NEK7: variants seen among roughly 807,000 people sequenced by gnomAD.
NEK7 encodes serine/threonine-protein kinase Nek7.
In NEK7, 18 loss-of-function variants were observed where a neutral mutation model predicts 44.6. That is an observed-to-expected ratio of 0.40 (90% CI 0.28 to 0.60). The LOEUF (loss-of-function observed/expected upper bound fraction) is 0.60. NEK7 is among the 20% of genes least tolerant of loss of function. The pLI is 0.38. For missense variants in NEK7, 256 were observed against 366.5 expected (o/e 0.70, Z 2.46); for synonymous variants, 130 against 121.1 (o/e 1.07, Z -0.48).
At chr1:198,243,911 T>G (rs1292983823) in intron 2 of NEK7, among the ~76,000 whole-genome samples, 1 of 147,112 alleles carries the variant, frequency 6.8e-6, no homozygotes, top group Non-Finnish European at 1.5e-5. Context: ...TTATTTGCCT[T>G]TTTTGGTTTC....
intron 7 of NEK7, among the ~76,000 whole-genome samples, chr1:198,280,326 G>T (rs1450329132): frequency 6.6e-6 from 1 of 152,050 alleles, no homozygotes; most frequent in African/African-American, 2.4e-5. Context: ...CTGAATAGAA[G>T]AATGTCATAA....
chr1:198,228,380 A>C (rs1169123317), intron 1 of NEK7, among the ~76,000 whole-genome samples: 1 of 152,158 alleles, frequency 6.6e-6, no homozygotes, highest in Non-Finnish European at 1.5e-5. Flanking sequence ...TGAACTTTAA[A>C]GTAGTTTTTT....
At chr1:198,263,786 T>C (rs910509023) in intron 4 of NEK7, among the ~76,000 whole-genome samples, 5 of 151,910 alleles carry the variant, frequency 3.3e-5, no homozygotes, top group African/African-American at 1.2e-4. Context: ...AGTTCTCATT[T>C]TGAGGATGTA....
rs1423760560 is a variant in NEK7, at chr1:198,278,052, G to C, written c.464G>C (p.Arg155Pro). 6.5e-7 allele frequency: 1 copy of C among 1,546,600 alleles called. No individual in the cohort carries two copies. The highest frequency in any genetic ancestry group is 8.9e-7 in the Non-Finnish European group (1 of 1,119,832). Reference sequence around the variant, plus strand: ...AGTGCATTGGAACACATGCATTCTCGAAGAGTCATGCATAGAGGTAAGATA... The same window carrying C: ...AGTGCATTGGAACACATGCATTCTCCAAGAGTCATGCATAGAGGTAAGATA... ...LCSALEHMHSRRVMHRDIKPA... is the reference protein window; with the variant it reads ...LCSALEHMHSPRVMHRDIKPA... Residue 155 changes from arginine (R) to proline (P), a missense_variant, in exon 6 of 10, where the codon CGA becomes CCA. Transcript: ENST00000367385.
intron 9 of NEK7, among the ~76,000 whole-genome samples, chr1:198,316,696 G>A (rs1655380007): frequency 6.6e-6 from 1 of 152,164 alleles, no homozygotes. Flanking sequence ...GGCCTGTGCT[G>A]TGTATTTTTC....
At chr1:198,312,309 T>G in intron 9 of NEK7, among the ~76,000 whole-genome samples, 1 of 150,878 alleles carries the variant, frequency 6.6e-6, no homozygotes, top group African/African-American at 2.4e-5. Flanking sequence ...TTTTATTGCA[T>G]CTATTTGATT....
intron 3 of NEK7, chr1:198,256,463 C>T: frequency 6.3e-7 from 1 of 1,599,260 alleles, no homozygotes; most frequent in Non-Finnish European, 8.5e-7. Flanking sequence ...ACCTGTATCC[C>T]ATCATGGTTC....
intron 7 of NEK7, among the ~76,000 whole-genome samples, chr1:198,287,033 G>A (rs1348243568): frequency 6.6e-6 from 1 of 152,106 alleles, no homozygotes; most frequent in Non-Finnish European, 1.5e-5. Context: ...ACATAAACAG[G>A]TATAGCACCA....
chr1:198,242,896 C>G (rs182438681), intron 2 of NEK7, among the ~76,000 whole-genome samples: 2 of 147,814 alleles, frequency 1.4e-5, no homozygotes. Flanking sequence ...TCTTGAACTT[C>G]CGAGCTCAAG....
intron 2 of NEK7, 31 bp from the exon 3 acceptor site, chr1:198,253,009 T>C (rs183247661): frequency 6.3e-6 from 10 of 1,588,240 alleles, no homozygotes; most frequent in African/African-American, 1.4e-5. Context: ...TATTGTGTGA[T>C]TGAAAATTTT....
At chr1:198,201,769 C>A (rs1665436005) in intron 1 of NEK7, among the ~76,000 whole-genome samples, 1 of 152,124 alleles carries the variant, frequency 6.6e-6, no homozygotes, top group Non-Finnish European at 1.5e-5. Flanking sequence ...CCAGGTGACA[C>A]CAAGACACAC....
chr1:198,314,750 TC>T (rs1655300350), intron 9 of NEK7, among the ~76,000 whole-genome samples: 1 of 152,120 alleles, frequency 6.6e-6, no homozygotes, highest in Non-Finnish European at 1.5e-5. Flanking sequence ...TGCTCAGGGG[TC>T]AGGGGTCAGA....
chr1:198,178,477 A>G (rs1032454178), intron 1 of NEK7, among the ~76,000 whole-genome samples: 4 of 152,108 alleles, frequency 2.6e-5, no homozygotes, highest in African/African-American at 9.7e-5. Context: ...ACAGATTACC[A>G]GACTTTTCCA....
chr1:198,254,820 G>A (rs1422681128), intron 3 of NEK7, among the ~76,000 whole-genome samples: 1 of 152,074 alleles, frequency 6.6e-6, no homozygotes, highest in Non-Finnish European at 1.5e-5. Flanking sequence ...GTTTTAATAT[G>A]CCACTCAGAG....
intron 1 of NEK7, among the ~76,000 whole-genome samples, chr1:198,230,193 ACTGT>A (rs1666345145): frequency 6.6e-6 from 1 of 152,120 alleles, no homozygotes; most frequent in African/African-American, 2.4e-5. Context: ...ATCTTGTGAA[ACTGT>A]CTGTGGGACA....
intron 7 of NEK7, among the ~76,000 whole-genome samples, chr1:198,291,764 A>G (rs911990881): frequency 1.3e-5 from 2 of 152,178 alleles, no homozygotes; most frequent in East Asian, 1.9e-4. Flanking sequence ...GTCATGGTAC[A>G]TGATGTTTTC....
In NEK7 at chr1:198,285,132, C is replaced by T. The variant is rs572328504; in HGVS notation, c.589+6071C>T. Among the ~76,000 whole-genome samples the T allele has an allele frequency of 7.2e-5, 11 of 151,938 alleles. No homozygotes were observed. The South Asian group carries it at 1.5e-3, about 20-fold the overall frequency. ...TAGGACTTAGTATCTTCTGACATGC[C>T]GTGTAATTTACTTATTATGCTTTGT... On this transcript the variant is annotated intron_variant, in intron 7 of 9. Coordinates refer to ENST00000367385, the MANE Select transcript of NEK7 (RefSeq NM_133494.3).
At chr1:198,219,323 T>C (rs888371207) in intron 1 of NEK7, among the ~76,000 whole-genome samples, 15 of 150,766 alleles carry the variant, frequency 9.9e-5, no homozygotes, top group Non-Finnish European at 2.1e-4. Context: ...TATATGTGTG[T>C]ATGTTTGTGT....
intron 9 of NEK7, among the ~76,000 whole-genome samples, chr1:198,298,086 T>C (rs1007939413): frequency 2.0e-5 from 3 of 152,208 alleles, no homozygotes; most frequent in Non-Finnish European, 4.4e-5. Flanking sequence ...ATATTAGCTC[T>C]TTATGGAATA....
Sources: gnomAD v4.1 joint callset for allele counts (sites outside exome capture counted in the v4.1 genomes callset) on GRCh38, gnomAD v4.1.1 for gene constraint, MANE v1.5 for transcripts, NCBI Gene and HGNC (gene_info 2026-07-23, HGNC 2026-07-21) for gene names.